The following MEF2A variants were observed in gnomAD, a reference collection of about 807,000 sequenced individuals.
MEF2A encodes myocyte-specific enhancer factor 2A.
A neutral mutation model predicts 55.8 loss-of-function variants in MEF2A; 28 were observed. That is an observed-to-expected ratio of 0.50 (90% CI 0.37 to 0.69). The LOEUF (loss-of-function observed/expected upper bound fraction) is 0.69. Ranked by LOEUF, MEF2A falls within the 30% of genes least tolerant of loss-of-function variation. The probability of loss-of-function intolerance (pLI) is 0.00; values close to 1 mark genes in which losing one functional copy is unlikely to be tolerated. For synonymous variants in MEF2A, 239 were observed against 227.1 expected (o/e 1.05, Z -0.47); for missense variants, 528 against 626.2 (o/e 0.84, Z 1.67).
chr15:99,648,039 C>T lies in MEF2A; in HGVS notation c.258+2275C>T, dbSNP rs117411321. 5.7e-4 allele frequency among the ~76,000 whole-genome samples: 87 copies of T among 152,226 alleles called. 1 individual carries two copies. The East Asian group carries it at 9.6e-3, about 17-fold the overall frequency. On this transcript the variant is annotated intron_variant, in intron 4 of 11. Transcript: ENST00000557942. ...TTTTTGCCAGTAGTGTAATGGCTTA[C>T]GCTAATGCATCTATACAGTTTGCTA...
intron 3 of MEF2A, among the ~76,000 whole-genome samples, chr15:99,633,840 A>G (rs2043310375): frequency 6.6e-6 from 1 of 152,202 alleles, no homozygotes; most frequent in Non-Finnish European, 1.5e-5. Flanking sequence ...GTTATTGTAA[A>G]TAAAGTTTTA....
intron 7 of MEF2A, among the ~76,000 whole-genome samples, chr15:99,678,185 A>T (rs953735306): frequency 2.0e-5 from 3 of 152,182 alleles, no homozygotes; most frequent in African/African-American, 7.2e-5. Flanking sequence ...GTTATTTAGA[A>T]TTATATTTCT....
intron 9 of MEF2A, among the ~76,000 whole-genome samples, chr15:99,704,719 C>T (rs762903252): frequency 1.3e-5 from 2 of 152,308 alleles, no homozygotes; most frequent in East Asian, 1.9e-4. Context: ...CCAGGCCAAA[C>T]TATGTCATAC....
chr15:99,646,757 A>T (rs559683198), intron 4 of MEF2A, among the ~76,000 whole-genome samples: 2 of 152,212 alleles, frequency 1.3e-5, no homozygotes, highest in East Asian at 3.9e-4. Context: ...CCGAAAATGC[A>T]TTTTAAATTT....
At chr15:99,683,787 T>C (rs750081770) in intron 7 of MEF2A, among the ~76,000 whole-genome samples, 1 of 152,050 alleles carries the variant, frequency 6.6e-6, no homozygotes, top group African/African-American at 2.4e-5. Context: ...AAAAATTCTT[T>C]AGTGGTGATT....
intron 3 of MEF2A, 35 bp downstream of exon 3, chr15:99,633,208 A>C (rs2043207746): frequency 7.1e-7 from 1 of 1,411,616 alleles, no homozygotes; most frequent in Admixed American, 2.5e-5. Flanking sequence ...AATTGATATG[A>C]ATATTCTTTT....
chr15:99,577,243 T>C (rs747193377), intron 1 of MEF2A, among the ~76,000 whole-genome samples: 14 of 152,238 alleles, frequency 9.2e-5, no homozygotes, highest in East Asian at 1.9e-4. Context: ...CCAGGAGTTA[T>C]TGAGTTCAAA....
At chr15:99,652,920 A>G (rs1463810064) in intron 4 of MEF2A, among the ~76,000 whole-genome samples, 2 of 152,160 alleles carry the variant, frequency 1.3e-5, no homozygotes, top group Middle Eastern at 3.2e-3. Flanking sequence ...AACTGGCCCT[A>G]TTGCTGCCTT....
In MEF2A at chr15:99,706,796, C is replaced by T. The variant is rs755127907; in HGVS notation, c.950C>T (p.Thr317Ile). ...PLATPVVSVT[T>I]PSLPPQGLVY... Reference sequence around the variant, plus strand: ...GCTACCCCAGTCGTGTCTGTGACAACCCCAAGCTTGCCTCCGCAAGGACTT... The same window carrying T: ...GCTACCCCAGTCGTGTCTGTGACAATCCCAAGCTTGCCTCCGCAAGGACTT... Residue 317 changes from threonine to isoleucine, a missense_variant, in exon 10 of 12, where the codon ACC becomes ATC. This residue lies in a region of MEF2A where 450 missense variants were observed against 475.3 expected (regional missense o/e 0.95). Coordinates refer to ENST00000557942, the MANE Select transcript of MEF2A (RefSeq NM_001319206.4). 6.2e-7 allele frequency: 1 copy of T among 1,613,994 alleles called. No homozygotes were observed. The highest frequency in any genetic ancestry group is 1.1e-5 in the South Asian group (1 of 91,086).
chr15:99,698,478 T>G (rs1366151178), intron 8 of MEF2A, among the ~76,000 whole-genome samples: 1 of 152,150 alleles, frequency 6.6e-6, no homozygotes, highest in Admixed American at 6.5e-5. Context: ...ACTGCACATC[T>G]AGTAAAATGG....
chr15:99,658,064 A>G (rs148071459), intron 4 of MEF2A, among the ~76,000 whole-genome samples: 45 of 152,292 alleles, frequency 3.0e-4, no homozygotes, highest in African/African-American at 1.0e-3. Context: ...GACCAAGCAT[A>G]CAAGAAAACA....
chr15:99,652,563 C>T lies in MEF2A; in HGVS notation c.258+6799C>T, dbSNP rs143633566. The stretch of plus-strand genomic sequence containing the variant: ...GAAATGAGACACTGCAGTTAGTGTA[C>T]GAAGTTGAAATCAGCCAAGTGTCAC... On this transcript the variant is annotated intron_variant, in intron 4 of 11. Coordinates refer to ENST00000557942, the MANE Select transcript of MEF2A (RefSeq NM_001319206.4). Among the ~76,000 whole-genome samples, 579 of 152,168 alleles carry T rather than the reference C, an allele frequency of 3.8e-3. 4 individuals are homozygous for T. The highest frequency in any genetic ancestry group is 0.013 in the African/African-American group (543 of 41,516).
intron 8 of MEF2A, among the ~76,000 whole-genome samples, chr15:99,702,224 G>A (rs148087107): frequency 1.4e-3 from 211 of 152,134 alleles, no homozygotes; most frequent in African/African-American, 4.8e-3. Flanking sequence ...GTAAGTAATC[G>A]GTCCCACCTA....
At chr15:99,591,134 G>A (rs918423543) in intron 1 of MEF2A, among the ~76,000 whole-genome samples, 1 of 152,078 alleles carries the variant, frequency 6.6e-6, no homozygotes, top group East Asian at 1.9e-4. Flanking sequence ...GTTCACATTA[G>A]GGCTCACTCT....
At position 99,716,277 on chromosome 15, in the gene MEF2A, G is replaced by A. The variant is rs2059143590; in HGVS notation, c.*3506G>A. 5.9e-6 allele frequency: 2 copies of A among 339,440 alleles called. No individual in the cohort carries two copies. Among genetic ancestry groups the A allele is most frequent in the African/African-American group, 2.2e-5 (1 of 46,506 alleles). 21.0% of individuals were successfully genotyped at this position (339,440 alleles called of 1,614,324 possible). On this transcript the variant is annotated 3_prime_UTR_variant, in exon 12 of 12. Transcript: ENST00000557942. The stretch of plus-strand genomic sequence containing the variant: ...GTTTGATCATGTAAAACCGTTTGGC[G>A]GCACAAGCTGGACTTTGTTGCCATC...
At chr15:99,571,315 T>A (rs1302579335) in intron 1 of MEF2A, among the ~76,000 whole-genome samples, 1 of 152,238 alleles carries the variant, frequency 6.6e-6, no homozygotes, top group African/African-American at 2.4e-5. Context: ...TTTTTGAGGC[T>A]TAGTGTATAA....
intron 1 of MEF2A, chr15:99,566,384 C>T (rs2152631882): frequency 8.2e-6 from 1 of 121,732 alleles, no homozygotes; most frequent in Non-Finnish European, 1.7e-5. Flanking sequence ...TCGGGGTCGG[C>T]GCTGAGGAGC....
rs547691973 is a variant in MEF2A, at chr15:99,639,401, T to C, written c.55-6160T>C. Among the ~76,000 whole-genome samples, 9 of 152,320 alleles carry C rather than the reference T, an allele frequency of 5.9e-5. No individual in the cohort carries two copies. The East Asian group carries it at 1.5e-3, about 26-fold the overall frequency. The stretch of plus-strand genomic sequence containing the variant: ...TTTGCACTTGCTTTTTCACTCAGTG[T>C]AGTGTTTTGAGATCCATCTGCTCTC... On this transcript the variant is annotated intron_variant, in intron 3 of 11. Transcript: ENST00000557942.
chr15:99,692,835 A>G (rs1344759532), intron 8 of MEF2A, among the ~76,000 whole-genome samples: 1 of 152,216 alleles, frequency 6.6e-6, no homozygotes, highest in African/African-American at 2.4e-5. Context: ...AACAACAAAC[A>G]TTATCACTCT....
Sources: gnomAD v4.1 joint callset for allele counts (sites outside exome capture counted in the v4.1 genomes callset) on GRCh38, gnomAD v4.1.1 for gene constraint, gnomAD v4.1.1 regional missense constraint, MANE v1.5 for transcripts, NCBI Gene and HGNC (gene_info 2026-07-23, HGNC 2026-07-21) for gene names.